The following ATF2 variants were observed in gnomAD, a reference collection of about 807,000 sequenced individuals.
ATF2 encodes the protein activating transcription factor 2, also known as cyclic AMP-dependent transcription factor ATF-2.
In ATF2, 24 loss-of-function variants were observed where a neutral mutation model predicts 60.6. The ratio of observed to expected loss-of-function variants is 0.40; its 90% CI spans 0.29 to 0.56. ATF2 has a LOEUF of 0.56. ATF2 is among the 20% of genes least tolerant of loss of function. The pLI, the probability that ATF2 is intolerant of heterozygous loss-of-function variation, is 0.54. For synonymous variants in ATF2, 206 were observed against 215.4 expected, an observed-to-expected ratio of 0.96 and a Z score of 0.38; for missense variants, 433 against 607.7, an observed-to-expected ratio of 0.71 and a Z score of 3.02.
intron 2 of ATF2, among the ~76,000 whole-genome samples, chr2:175,141,018 AAAAAAAAAAAAAATAT>A (rs1392612711): frequency 8.6e-5 from 10 of 115,934 alleles, no homozygotes; most frequent in African/African-American, 3.7e-4. Context: ...AAAAAAAAAA[AAAAAAAAAAAAAATAT>A]ATATATATAT....
At chr2:175,105,743 T>C (rs1695609887) in intron 10 of ATF2, among the ~76,000 whole-genome samples, 1 of 152,138 alleles carries the variant, frequency 6.6e-6, no homozygotes, top group South Asian at 2.1e-4. Context: ...ATAGCTATGA[T>C]CTATTAGAAA....
chr2:175,104,086 G>C (rs998513312), intron 10 of ATF2, among the ~76,000 whole-genome samples: 14 of 150,074 alleles, frequency 9.3e-5, no homozygotes, highest in Middle Eastern at 3.4e-3. Context: ...TCTTATTTCA[G>C]TATTCACAGC....
At chr2:175,134,940 G>A (rs945825336) in intron 3 of ATF2, among the ~76,000 whole-genome samples, 4 of 150,090 alleles carry the variant, frequency 2.7e-5, no homozygotes, top group African/African-American at 9.9e-5. Context: ...GGAGGTCCAG[G>A]CTGCAGTAAC....
rs759092639 is a variant in ATF2, at chr2:175,080,764, C to T, written c.1187G>A (p.Ser396Asn). ...TTCATTTCTCAGCAGGGTGACTTCA[C>T]TCTGGAGAAGAAACAACTTATGTAC... The part of the protein sequence containing the change: ...DLSSLNGQLQ[S>N]EVTLLRNEVA... The change falls in exon 13 of 14, where the codon AGT becomes AAT. Residue 396 changes from serine (S) to asparagine (N), a missense_variant and splice_region_variant. Physicochemically the swap from Ser to Asn is conservative, Grantham distance 46. Transcript: ENST00000264110. The T allele has an allele frequency of 4.3e-6, 7 of 1,611,248 alleles. No homozygotes were observed. The African/African-American group carries it at 8.0e-5, about 19-fold the overall frequency.
At chr2:175,151,211 AAATT>A (rs1359488423) in intron 1 of ATF2, 53 bp from the exon 2 acceptor site, 1 of 152,250 alleles carries the variant, frequency 6.6e-6, no homozygotes, top group East Asian at 1.9e-4. Flanking sequence ...TGTGGGATCT[AAATT>A]AATAGCCTCT....
At chr2:175,154,112 G>A (rs756254781) in intron 1 of ATF2, among the ~76,000 whole-genome samples, 99 of 151,326 alleles carry the variant, frequency 6.5e-4, no homozygotes, top group Non-Finnish European at 9.4e-4. Context: ...TACTCAGGAG[G>A]CTGAGGCAGG....
At position 175,121,595 on chromosome 2, in the gene ATF2, A is replaced by C. The variant is rs13397834; in HGVS notation, c.103-55T>G. On this transcript the variant is annotated intron_variant, in intron 4 of 13. Transcript: ENST00000264110. ...AGATTTTCAATTTGATCAAATAAGT[A>C]AAATGATTAGGAAATTAATTTCCAC... is the stretch of plus-strand genomic sequence containing the variant. 3.8e-4 allele frequency: 504 copies of C among 1,323,160 alleles called. 2 individuals are homozygous for C. In the African/African-American group the frequency reaches 6.7e-3, roughly 18 times the overall value. The allele number at this position is 1,323,160 out of a possible 1,614,324, so 82.0% of individuals were successfully genotyped here.
At chr2:175,138,769 G>A (rs1327207432) in intron 2 of ATF2, among the ~76,000 whole-genome samples, 1 of 152,172 alleles carries the variant, frequency 6.6e-6, no homozygotes, top group Non-Finnish European at 1.5e-5. Context: ...TCTTCCACAA[G>A]CTATGTTGTT....
intron 2 of ATF2, among the ~76,000 whole-genome samples, chr2:175,147,386 A>G (rs1007909883): frequency 7.9e-5 from 12 of 152,348 alleles, no homozygotes; most frequent in Admixed American, 7.8e-4. Flanking sequence ...GGGAGCAAAC[A>G]CATTTCTGGT....
At chr2:175,088,958 G>C (rs1239174140) in intron 12 of ATF2, among the ~76,000 whole-genome samples, 2 of 152,136 alleles carry the variant, frequency 1.3e-5, no homozygotes, top group African/African-American at 2.4e-5. Flanking sequence ...GAGGCGGGCA[G>C]ATCACTTGAG....
At chr2:175,127,080 A>AGTCCTGT (rs1697388390) in intron 4 of ATF2, 1 of 151,778 alleles carries the variant, frequency 6.6e-6, no homozygotes, top group Non-Finnish European at 1.5e-5. Context: ...AAAAAAAACC[A>AGTCCTGT]AGCAAAAAAT....
chr2:175,100,154 T>C (rs1411719357), intron 10 of ATF2, among the ~76,000 whole-genome samples: 1 of 152,230 alleles, frequency 6.6e-6, no homozygotes. Context: ...TCAAACTATC[T>C]GTGACTTTGA....
At position 175,073,043 on chromosome 2, in the gene ATF2, A is replaced by G. The variant is rs1001515196; in HGVS notation, c.*1566T>C. 1.3e-5 allele frequency: 2 copies of G among 152,194 alleles called. No homozygotes were observed. The highest frequency in any genetic ancestry group is 2.9e-5 in the Non-Finnish European group (2 of 68,032). The allele number at this position is 152,194 out of a possible 1,614,324, so 9.4% of individuals were successfully genotyped here. On this transcript the variant is annotated 3_prime_UTR_variant, in exon 14 of 14. Coordinates refer to ENST00000264110, the MANE Select transcript of ATF2 (RefSeq NM_001880.4). ...GTATGGATGCAGGACAAACTACACA[A>G]CTTATTATAAATGCATTACAGATAT...
intron 13 of ATF2, among the ~76,000 whole-genome samples, chr2:175,078,520 G>A (rs1489192501): frequency 6.6e-6 from 1 of 152,100 alleles, no homozygotes; most frequent in Non-Finnish European, 1.5e-5. Context: ...AACTGTCATG[G>A]TTTTCCCACG....
At chr2:175,161,943 T>C (rs1490069647) in intron 1 of ATF2, among the ~76,000 whole-genome samples, 1 of 152,070 alleles carries the variant, frequency 6.6e-6, no homozygotes, top group Non-Finnish European at 1.5e-5. Context: ...GTATTTTTAG[T>C]AGAGATGGTG....
Position 175,097,470 on chromosome 2 carries a change from G to A in ATF2, c.952C>T (p.Pro318Ser), listed in dbSNP as rs934771554. The A allele has an allele frequency of 3.1e-6, 5 of 1,614,044 alleles. No individual in the cohort carries two copies. The highest frequency in any genetic ancestry group is 4.2e-6 in the Non-Finnish European group (5 of 1,179,962). Residue 318 changes from proline (P) to serine (S), a missense_variant, in exon 11 of 14, where the codon CCA (proline) becomes TCA (serine). Pro to Ser is a moderately conservative substitution (Grantham distance 74). This residue lies in a region of ATF2 where 246 missense variants were observed against 309.3 expected (regional missense o/e 0.80). Coordinates refer to ENST00000264110, the MANE Select transcript of ATF2 (RefSeq NM_001880.4). Reference protein sequence around the residue: ...EESRPQSLQQPATSTTETPAS... With the variant: ...EESRPQSLQQSATSTTETPAS... The stretch of plus-strand genomic sequence containing the variant: ...GGAGTTTCTGTAGTGGATGTGGCTG[G>A]CTGTTGTAATGACTGCGGTCGAGAT...
Position 175,072,443 on chromosome 2 carries a change from T to A in ATF2, c.*2166A>T, listed in dbSNP as rs796299597. 1 of 152,298 alleles carries A rather than the reference T, an allele frequency of 6.6e-6. No individual in the cohort carries two copies. Among genetic ancestry groups the A allele is most frequent in the African/African-American group, 2.4e-5 (1 of 41,588 alleles). 9.4% of individuals were successfully genotyped at this position (152,298 alleles called of 1,614,324 possible). ...ACAACTAATAATGATTTTTATTTGCTCAGTACAGACTGATTTACAATGAAA... is the reference window on the plus strand; with the variant it reads ...ACAACTAATAATGATTTTTATTTGCACAGTACAGACTGATTTACAATGAAA... On this transcript the variant is annotated 3_prime_UTR_variant, in exon 14 of 14. Coordinates refer to ENST00000264110, the MANE Select transcript of ATF2 (RefSeq NM_001880.4).
intron 2 of ATF2, among the ~76,000 whole-genome samples, chr2:175,143,465 A>C (rs1698738679): frequency 6.6e-6 from 1 of 152,160 alleles, no homozygotes; most frequent in Admixed American, 6.5e-5. Context: ...CTTTGGGACA[A>C]ATCTTTGTGC....
At chr2:175,145,759 G>A (rs913679197) in intron 2 of ATF2, among the ~76,000 whole-genome samples, 16 of 152,312 alleles carry the variant, frequency 1.1e-4, no homozygotes, top group African/African-American at 3.4e-4. Context: ...GACGCATCCT[G>A]TACTGCTGCC....
Sources: gnomAD v4.1 joint callset for allele counts (sites outside exome capture counted in the v4.1 genomes callset) on GRCh38, gnomAD v4.1.1 for gene constraint, gnomAD v4.1.1 regional missense constraint, MANE v1.5 for transcripts, NCBI Gene and HGNC (gene_info 2026-07-23, HGNC 2026-07-21) for gene names.